The following USPL1 variants were observed in gnomAD, a reference collection of about 807,000 sequenced individuals.
USPL1 encodes the protein SUMO-specific isopeptidase USPL1.
USPL1 carries 27 observed loss-of-function variants against 51.5 expected under a neutral mutation model. The observed-to-expected ratio is 0.52, with a 90% CI of 0.39 to 0.72. The LOEUF (loss-of-function observed/expected upper bound fraction) is 0.72. Ranked by LOEUF, USPL1 falls within the 30% of genes least tolerant of loss-of-function variation. The pLI, the probability that USPL1 is intolerant of heterozygous loss-of-function variation, is 0.00. For missense variants in USPL1, 1,226 were observed against 1,268.0 expected (o/e 0.97, Z 0.50); for synonymous variants, 451 against 459.6 (o/e 0.98, Z 0.24).
intron 4 of USPL1, among the ~76,000 whole-genome samples, chr13:30,632,448 C>A (rs1400302517): frequency 7.9e-6 from 1 of 126,584 alleles, no homozygotes; most frequent in Non-Finnish European, 1.6e-5. Flanking sequence ...GAGCCTCACT[C>A]TGTTGCCCAG....
rs774650540 is a variant in USPL1, at chr13:30,659,283, C to T, written c.3206C>T (p.Ser1069Leu). The T allele has an allele frequency of 8.1e-6, 13 of 1,614,140 alleles. No homozygotes were observed. Among genetic ancestry groups the T allele is most frequent in the Non-Finnish European group, 1.0e-5 (12 of 1,180,010 alleles). ...ATTTTCGATGAGTTTTTTTCCTCCT[C>T]AGCATTAAATGCTTTAGCAAATGAC... ...TDIFDEFFSSSALNALANDTL... is the reference protein window; with the variant it reads ...TDIFDEFFSSLALNALANDTL... The change falls in exon 9 of 9, where the codon TCA (serine) becomes TTA (leucine). Residue 1069 changes from serine (S) to leucine (L), a missense_variant. Ser to Leu is a moderately radical substitution (Grantham distance 145). Coordinates refer to ENST00000255304, the MANE Select transcript of USPL1 (RefSeq NM_005800.5).
Position 30,621,822 on chromosome 13 carries a change from G to C in USPL1, c.158G>C (p.Gly53Ala). The change falls in exon 3 of 9, where the codon GGA becomes GCA. Residue 53 changes from glycine to alanine, a missense_variant. Gly to Ala is a moderately conservative substitution (Grantham distance 60). Transcript: ENST00000255304. ...TATTGCCCTGCTTGTAGAGAGAAGG[G>C]AAAGTTAAAAGCCTTAAAGACTTAC... is the stretch of plus-strand genomic sequence containing the variant. ...DEYCPACREK[G>A]KLKALKTYRI... is the part of the protein sequence containing the mutation. 1 of 1,588,282 alleles carries C rather than the reference G, an allele frequency of 6.3e-7. No individual in the cohort carries two copies.
Position 30,657,975 on chromosome 13 carries a change from C to T in USPL1, c.1898C>T (p.Ala633Val). The change falls in exon 9 of 9, where the codon GCT becomes GTT. Residue 633 changes from alanine (A) to valine (V), a missense_variant. Physicochemically the swap from Ala to Val is moderately conservative, Grantham distance 64. Coordinates refer to ENST00000255304, the MANE Select transcript of USPL1 (RefSeq NM_005800.5). ...NTLLSQESLMASSVSAPCNEK... is the reference protein window; with the variant it reads ...NTLLSQESLMVSSVSAPCNEK... ...TTGCTATCACAAGAATCACTAATGG[C>T]TTCTTCAGTATCAGCTCCATGTAAT... 1 of 1,613,574 alleles carries T rather than the reference C, an allele frequency of 6.2e-7. No individual in the cohort carries two copies. The highest frequency in any genetic ancestry group is 1.1e-5 in the South Asian group (1 of 91,084).
At chr13:30,646,682 G>A (rs1329989624) in intron 6 of USPL1, among the ~76,000 whole-genome samples, 1 of 152,224 alleles carries the variant, frequency 6.6e-6, no homozygotes, top group Admixed American at 6.5e-5. Context: ...GAAAAATGCA[G>A]TGATACCATT....
chr13:30,647,115 C>G, intron 7 of USPL1, 58 bp downstream of exon 7: 1 of 1,527,362 alleles, frequency 6.5e-7, no homozygotes, highest in Non-Finnish European at 9.0e-7. Context: ...TTACATTTTT[C>G]TTAATGTGTA....
At position 30,631,408 on chromosome 13, in the gene USPL1, C is replaced by T. The variant is rs4603404; in HGVS notation, c.802C>T (p.Arg268Trp). ...LCSKEESIFW[R>W]LLTKYNQANT... Reference sequence around the variant, plus strand: ...CTCGAAGGAGGAATCTATATTCTGGCGGTTGCTTACAAAATATAATCAAGC... The same window carrying T: ...CTCGAAGGAGGAATCTATATTCTGGTGGTTGCTTACAAAATATAATCAAGC... Residue 268 changes from arginine to tryptophan, a missense_variant, in exon 4 of 9, where the codon CGG becomes TGG. Arg to Trp is a moderately radical substitution (Grantham distance 101, BLOSUM62 -3). Coordinates refer to ENST00000255304, the MANE Select transcript of USPL1 (RefSeq NM_005800.5). The T allele has an allele frequency of 4.3e-6, 7 of 1,614,092 alleles. No homozygotes were observed. The highest frequency in any genetic ancestry group is 4.5e-5 in the East Asian group (2 of 44,890).
At chr13:30,651,232 AGTT>A (rs1246401461) in intron 7 of USPL1, among the ~76,000 whole-genome samples, 3 of 152,174 alleles carry the variant, frequency 2.0e-5, no homozygotes, top group Non-Finnish European at 4.4e-5. Flanking sequence ...TAATTGCTCT[AGTT>A]GTTGTCTCTT....
At chr13:30,644,294 A>T (rs148197484) in intron 6 of USPL1, among the ~76,000 whole-genome samples, 198 of 152,146 alleles carry the variant, frequency 1.3e-3, no homozygotes, top group African/African-American at 4.0e-3. Context: ...AAAAAAAATT[A>T]AAAAAAATTA....
chr13:30,638,912 A>G (rs1042566760), intron 5 of USPL1, among the ~76,000 whole-genome samples: 3 of 150,160 alleles, frequency 2.0e-5, no homozygotes, highest in Non-Finnish European at 4.4e-5. Flanking sequence ...TAACATATTT[A>G]TATACTTAGA....
rs756549356 is a variant in USPL1, at chr13:30,658,630, G to A, written c.2553G>A (p.Leu851=). The change falls in exon 9 of 9, where the codon TTG becomes TTA. Residue 851 remains leucine (L), a synonymous_variant. Coordinates refer to ENST00000255304, the MANE Select transcript of USPL1 (RefSeq NM_005800.5). The part of the protein sequence containing the change: ...HPHAHAASEV[L]EKSGSTSCGA... ...ATGCTCATGCTGCTTCAGAAGTTTT[G>A]GAAAAGTCTGGAAGCACCTCATGTG... The A allele has an allele frequency of 9.9e-6, 16 of 1,613,968 alleles. No individual in the cohort carries two copies. The highest frequency in any genetic ancestry group is 1.4e-5 in the Non-Finnish European group (16 of 1,180,042).
intron 3 of USPL1, among the ~76,000 whole-genome samples, chr13:30,622,419 CATTAA>C (rs1036166200): frequency 6.6e-6 from 1 of 152,122 alleles, no homozygotes; most frequent in African/African-American, 2.4e-5. Context: ...TATAGCAGCT[CATTAA>C]ATTCTGTAAT....
chr13:30,643,251 G>A (rs931252284), intron 6 of USPL1, among the ~76,000 whole-genome samples: 6 of 152,220 alleles, frequency 3.9e-5, no homozygotes, highest in South Asian at 2.1e-4. Flanking sequence ...TCTCAGCAGC[G>A]TATTAGAAAG....
intron 3 of USPL1, among the ~76,000 whole-genome samples, chr13:30,625,547 G>C (rs996172230): frequency 4.7e-5 from 7 of 149,942 alleles, no homozygotes; most frequent in Non-Finnish European, 8.9e-5. Flanking sequence ...CCTGGTTCAA[G>C]GGATTCTCCT....
intron 3 of USPL1, among the ~76,000 whole-genome samples, chr13:30,622,438 C>A (rs960139171): frequency 2.0e-5 from 3 of 152,144 alleles, no homozygotes; most frequent in African/African-American, 7.2e-5. Context: ...CTGTAATACT[C>A]CACATTTTAT....
At position 30,631,030 on chromosome 13, in the gene USPL1, A is replaced by T; in HGVS notation, c.424A>T (p.Asn142Tyr). The T allele has an allele frequency of 1.2e-6, 2 of 1,614,162 alleles. No individual in the cohort carries two copies. The highest frequency in any genetic ancestry group is 1.7e-6 in the Non-Finnish European group (2 of 1,180,040). The change falls in exon 4 of 9, where the codon AAT (asparagine) becomes TAT (tyrosine). Residue 142 changes from asparagine (N) to tyrosine (Y), a missense_variant. Asn to Tyr is a moderately radical substitution (Grantham distance 143, BLOSUM62 -2). Transcript: ENST00000255304. The stretch of plus-strand genomic sequence containing the variant: ...TGGAAAAGTTTTGAACAGCAAACAT[A>T]ATGGAGAAGTATATGACGAAACCTC... ...DGGKVLNSKH[N>Y]GEVYDETSSN...
chr13:30,640,260 C>A (rs929249230), intron 5 of USPL1, among the ~76,000 whole-genome samples: 5 of 152,050 alleles, frequency 3.3e-5, no homozygotes, highest in Non-Finnish European at 5.9e-5. Context: ...TATATAGTTA[C>A]AATAGAATAC....
intron 4 of USPL1, among the ~76,000 whole-genome samples, chr13:30,632,140 AGTGTGTGATGTTCCCCTCCCT>A (rs1395553738): frequency 6.6e-6 from 1 of 151,580 alleles, no homozygotes; most frequent in East Asian, 1.9e-4. Context: ...ATCAGGCCCC[AGTGTGTGATGTTCCCCTCCCT>A]GTGTCCATGT....
chr13:30,622,071 G>A (rs937044005), intron 3 of USPL1, among the ~76,000 whole-genome samples, 179 bp downstream of exon 3: 13 of 151,916 alleles, frequency 8.6e-5, no homozygotes, highest in Admixed American at 6.6e-5. Context: ...TTACTTGGTT[G>A]CGTAAAGATG....
At chr13:30,654,658 T>A (rs1038418429) in intron 8 of USPL1, among the ~76,000 whole-genome samples, 14 of 152,188 alleles carry the variant, frequency 9.2e-5, no homozygotes, top group Non-Finnish European at 1.8e-4. Context: ...AGGTAGTAGA[T>A]AAGAGTGTAG....
Sources: allele counts gnomAD v4.1 joint callset (sites outside exome capture counted in the v4.1 genomes callset), GRCh38; gene constraint gnomAD v4.1.1; transcripts MANE v1.5; gene names NCBI Gene and HGNC (gene_info 2026-07-23, HGNC 2026-07-21).